SPATA16: variants seen among roughly 807,000 people sequenced by gnomAD.
The protein encoded by SPATA16 is spermatogenesis associated 16.
In SPATA16, 36 loss-of-function variants were observed where a neutral mutation model predicts 63.3. The ratio of observed to expected loss-of-function variants is 0.57; its 90% CI spans 0.44 to 0.75. SPATA16 has a LOEUF of 0.75. Ranked by LOEUF, SPATA16 falls within the 30% of genes least tolerant of loss-of-function variation. The pLI, the probability that SPATA16 is intolerant of heterozygous loss-of-function variation, is 0.00. For synonymous variants in SPATA16, 203 were observed against 216.7 expected, an observed-to-expected ratio of 0.94 and a Z score of 0.56; for missense variants, 646 against 679.3, an observed-to-expected ratio of 0.95 and a Z score of 0.54.
intron 2 of SPATA16, among the ~76,000 whole-genome samples, chr3:173,059,211 T>C (rs1216515639): frequency 6.6e-6 from 1 of 152,010 alleles, no homozygotes; most frequent in Admixed American, 6.5e-5. Context: ...AACAAACTCT[T>C]AGATTAATTG....
At chr3:172,983,604 A>G (rs1734371613) in intron 4 of SPATA16, among the ~76,000 whole-genome samples, 1 of 152,194 alleles carries the variant, frequency 6.6e-6, no homozygotes, top group South Asian at 2.1e-4. Flanking sequence ...ACATATGTAT[A>G]TACGTTGTTA....
At chr3:172,974,264 A>G (rs1006955944) in intron 5 of SPATA16, among the ~76,000 whole-genome samples, 1 of 152,150 alleles carries the variant, frequency 6.6e-6, no homozygotes, top group African/African-American at 2.4e-5. Flanking sequence ...TGGATTTTAT[A>G]GGGTTGAAAA....
At chr3:172,949,405 G>GA (rs971125009) in intron 6 of SPATA16, among the ~76,000 whole-genome samples, 14 of 151,912 alleles carry the variant, frequency 9.2e-5, no homozygotes, top group African/African-American at 3.1e-4. Flanking sequence ...AATATACAAA[G>GA]AAAAAACGTA....
At chr3:173,124,446 T>G (rs1738172577) in intron 1 of SPATA16, among the ~76,000 whole-genome samples, 1 of 152,236 alleles carries the variant, frequency 6.6e-6, no homozygotes. Flanking sequence ...GAAAATGCCT[T>G]GGCTCTTTCC....
At chr3:173,053,266 T>C (rs371298471) in intron 2 of SPATA16, among the ~76,000 whole-genome samples, 22 of 151,434 alleles carry the variant, frequency 1.5e-4, no homozygotes, top group Non-Finnish European at 2.9e-4. Flanking sequence ...TGAGGCAGAG[T>C]TTGCAGTGAG....
chr3:172,904,937 G>C (rs976325683), intron 10 of SPATA16, among the ~76,000 whole-genome samples: 1 of 152,116 alleles, frequency 6.6e-6, no homozygotes, highest in Non-Finnish European at 1.5e-5. Context: ...TTCCACTGCA[G>C]TTGCTGGCCT....
intron 1 of SPATA16, among the ~76,000 whole-genome samples, chr3:173,134,126 C>T (rs1738464362): frequency 6.6e-6 from 1 of 152,170 alleles, no homozygotes; most frequent in South Asian, 2.1e-4. Context: ...GGATAAATTA[C>T]ACCACCTGAA....
chr3:172,897,624 T>A (rs889395882), intron 10 of SPATA16, among the ~76,000 whole-genome samples: 1 of 151,516 alleles, frequency 6.6e-6, no homozygotes, highest in African/African-American at 2.4e-5. Context: ...GTTTTGTACA[T>A]TTGTCTTGTA....
chr3:173,128,509 C>T (rs1292141110), intron 1 of SPATA16, among the ~76,000 whole-genome samples: 1 of 152,096 alleles, frequency 6.6e-6, no homozygotes, highest in Non-Finnish European at 1.5e-5. Context: ...GATTTTGATT[C>T]AGCATGTCTG....
At chr3:172,962,306 A>G (rs916075914) in intron 5 of SPATA16, among the ~76,000 whole-genome samples, 4 of 147,290 alleles carry the variant, frequency 2.7e-5, no homozygotes, top group Non-Finnish European at 6.0e-5. Flanking sequence ...GGAAGATGGC[A>G]CTACATAGTG....
chr3:173,079,489 C>T (rs1736878914), intron 2 of SPATA16, among the ~76,000 whole-genome samples: 1 of 151,982 alleles, frequency 6.6e-6, no homozygotes, highest in Admixed American at 6.6e-5. Context: ...GTATTTCTTA[C>T]TTTTTAAATG....
intron 5 of SPATA16, among the ~76,000 whole-genome samples, chr3:172,960,875 C>CTCTTTCTTTCTTTCTTTCTTTCTT (rs57268955): frequency 2.8e-5 from 4 of 142,160 alleles, no homozygotes; most frequent in Admixed American, 6.9e-5. Flanking sequence ...CTTTCTTTCT[C>CTCTTTCTTTCTTTCTTTCTTTCTT]TCTTTCTTTC....
In SPATA16 at chr3:172,941,080, T is replaced by G. The variant is rs186486924; in HGVS notation, c.1082-15588A>C. On this transcript the variant is annotated intron_variant, in intron 6 of 10. Coordinates refer to ENST00000351008, the MANE Select transcript of SPATA16 (RefSeq NM_031955.6). ...AAAACAATTACTGGAATGAAAATCT[T>G]GAATCTATTAAGGAGTGATCTAGAC... Among the ~76,000 whole-genome samples, 468 of 152,254 alleles carry G rather than the reference T, an allele frequency of 3.1e-3. 1 individual carries two copies. The highest frequency in any genetic ancestry group is 0.011 in the African/African-American group (458 of 41,568).
intron 2 of SPATA16, among the ~76,000 whole-genome samples, chr3:173,104,097 C>T (rs1321529737): frequency 6.6e-6 from 1 of 152,172 alleles, no homozygotes; most frequent in Non-Finnish European, 1.5e-5. Flanking sequence ...CAAGGGTGAC[C>T]TTTGCACCAA....
intron 6 of SPATA16, among the ~76,000 whole-genome samples, chr3:172,937,968 G>T (rs1733048267): frequency 1.3e-5 from 2 of 152,084 alleles, no homozygotes; most frequent in Non-Finnish European, 2.9e-5. Context: ...ATCCTGAGAA[G>T]GGGGGTAAAC....
intron 4 of SPATA16, among the ~76,000 whole-genome samples, chr3:172,998,866 G>C (rs1734753133): frequency 6.6e-6 from 1 of 152,014 alleles, no homozygotes; most frequent in Non-Finnish European, 1.5e-5. Flanking sequence ...TTCAAATATT[G>C]AATTATTTTT....
At chr3:173,084,337 C>T (rs1211415898) in intron 2 of SPATA16, among the ~76,000 whole-genome samples, 7 of 151,848 alleles carry the variant, frequency 4.6e-5, no homozygotes, top group South Asian at 2.1e-4. Flanking sequence ...TGTCTGTTTA[C>T]GTTCTTTGCC....
At chr3:173,136,516 C>T (rs766294180) in intron 1 of SPATA16, among the ~76,000 whole-genome samples, 1 of 151,946 alleles carries the variant, frequency 6.6e-6, no homozygotes, top group Non-Finnish European at 1.5e-5. Flanking sequence ...CCAATTATAC[C>T]GTTTTAGTTA....
intron 1 of SPATA16, among the ~76,000 whole-genome samples, chr3:173,124,581 G>A (rs950474682): frequency 1.3e-5 from 2 of 152,088 alleles, no homozygotes; most frequent in Non-Finnish European, 2.9e-5. Flanking sequence ...TGCCTGCACT[G>A]ATGTAGCAGC....
Sources: allele counts gnomAD v4.1 joint callset (sites outside exome capture counted in the v4.1 genomes callset), GRCh38; gene constraint gnomAD v4.1.1; transcripts MANE v1.5; gene names NCBI Gene and HGNC (gene_info 2026-07-23, HGNC 2026-07-21).